SHISA6: variants seen among roughly 807,000 people sequenced by gnomAD.
SHISA6 encodes the protein protein shisa-6.
In SHISA6, 22 loss-of-function variants were observed where a neutral mutation model predicts 47.9. The ratio of observed to expected loss-of-function variants is 0.46; its 90% CI spans 0.33 to 0.66. The LOEUF is 0.66. SHISA6 is among the 30% of genes least tolerant of loss of function. SHISA6 has a pLI of 0.02. For synonymous variants in SHISA6, 388 were observed against 337.8 expected (o/e 1.15, Z -1.63); for missense variants, 680 against 764.6 (o/e 0.89, Z 1.30).
rs75224115 is a variant in SHISA6, at chr17:11,277,618, A to G, written c.799+14092A>G. Among the ~76,000 whole-genome samples the G allele has an allele frequency of 4.8e-3, 733 of 152,308 alleles. 9 individuals are homozygous for G. Among genetic ancestry groups the G allele is most frequent in the African/African-American group, 0.017 (691 of 41,586 alleles). ...ATTATAATTATGTATGCTCACAAATAACTGAATTATCTAAAGTAAAAGTTA... is the reference window on the plus strand; with the variant it reads ...ATTATAATTATGTATGCTCACAAATGACTGAATTATCTAAAGTAAAAGTTA... On this transcript the variant is annotated intron_variant, in intron 2 of 5. Coordinates refer to ENST00000441885, the MANE Select transcript of SHISA6 (RefSeq NM_207386.4).
At chr17:11,517,919 C>T (rs1328878623) in intron 3 of SHISA6, among the ~76,000 whole-genome samples, 1 of 152,056 alleles carries the variant, frequency 6.6e-6, no homozygotes, top group African/African-American at 2.4e-5. Context: ...TAGAGCTGTC[C>T]TCCTGAGATG....
chr17:11,380,485 G>T (rs1045149610), intron 3 of SHISA6: 37 of 152,162 alleles, frequency 2.4e-4, no homozygotes, highest in African/African-American at 8.4e-4. Context: ...TGGCTACTAA[G>T]AGTTGCAGAA....
intron 3 of SHISA6, among the ~76,000 whole-genome samples, chr17:11,491,523 C>T (rs1315654778): frequency 1.3e-5 from 2 of 151,876 alleles, no homozygotes; most frequent in South Asian, 4.2e-4. Context: ...AGGCTGGTCT[C>T]GAACTCCTGG....
At chr17:11,464,445 C>T (rs1172762883) in intron 3 of SHISA6, among the ~76,000 whole-genome samples, 1 of 152,116 alleles carries the variant, frequency 6.6e-6, no homozygotes, top group Admixed American at 6.6e-5. Flanking sequence ...AGTCTTGTCA[C>T]CCTGTGGAAG....
At chr17:11,323,551 G>A (rs1300692556) in intron 2 of SHISA6, among the ~76,000 whole-genome samples, 1 of 152,048 alleles carries the variant, frequency 6.6e-6, no homozygotes, top group Admixed American at 6.5e-5. Flanking sequence ...CTACTCAGGA[G>A]GCTGAGGCAG....
At chr17:11,380,033 G>A (rs1912958696) in intron 3 of SHISA6, 1 of 154,166 alleles carries the variant, frequency 6.5e-6, no homozygotes, top group South Asian at 2.0e-4. Flanking sequence ...CAAGATGAAA[G>A]CTAACCTAGA....
intron 3 of SHISA6, among the ~76,000 whole-genome samples, chr17:11,494,907 C>G (rs1473259293): frequency 3.9e-5 from 6 of 152,134 alleles, no homozygotes; most frequent in Admixed American, 3.3e-4. Flanking sequence ...GAGTCGGGAG[C>G]CAGCCATTAA....
chr17:11,411,499 C>A (rs148517472), intron 3 of SHISA6, among the ~76,000 whole-genome samples: 14 of 152,192 alleles, frequency 9.2e-5, no homozygotes, highest in Non-Finnish European at 1.5e-4. Context: ...CAGGTTCAAG[C>A]GATTCTCCTG....
intron 2 of SHISA6, among the ~76,000 whole-genome samples, chr17:11,363,200 T>C (rs1319292354): frequency 6.4e-5 from 8 of 124,450 alleles, no homozygotes; most frequent in Non-Finnish European, 1.3e-4. Context: ...AGGGTACATT[T>C]CTTTTTTTTT....
chr17:11,542,334 GAA>G (rs5819321), intron 3 of SHISA6, among the ~76,000 whole-genome samples: 7 of 122,768 alleles, frequency 5.7e-5, no homozygotes, highest in Admixed American at 2.3e-4. Context: ...AGTGCTACAA[GAA>G]AAAAAAAAAA....
At chr17:11,469,330 A>AG (rs1027716853) in intron 3 of SHISA6, among the ~76,000 whole-genome samples, 24 of 152,282 alleles carry the variant, frequency 1.6e-4, no homozygotes, top group African/African-American at 5.8e-4. Flanking sequence ...AGATGGAGGA[A>AG]GGGGCCAAGA....
intron 2 of SHISA6, among the ~76,000 whole-genome samples, chr17:11,335,866 A>G (rs1452399720): frequency 6.6e-6 from 1 of 152,134 alleles, no homozygotes; most frequent in Non-Finnish European, 1.5e-5. Flanking sequence ...TAACACGCTT[A>G]GTGGTTCAAA....
intron 3 of SHISA6, among the ~76,000 whole-genome samples, chr17:11,537,096 CT>C (rs1214460907): frequency 6.6e-6 from 1 of 151,908 alleles, no homozygotes. Context: ...TGTGATGCCA[CT>C]TTTTTTTCAA....
intron 3 of SHISA6, among the ~76,000 whole-genome samples, chr17:11,388,831 TA>T (rs1913290948): frequency 2.6e-5 from 3 of 113,766 alleles, no homozygotes; most frequent in African/African-American, 1.2e-4. Flanking sequence ...TATATATATA[TA>T]TATATATATT....
At position 11,450,714 on chromosome 17, in the gene SHISA6, T is replaced by A. The variant is rs200088193; in HGVS notation, c.895+71205T>A. The stretch of plus-strand genomic sequence containing the variant: ...CCATCCAAAAGAAAAGAAAAAAAAA[T>A]CAGAGTAATCCAAGAGAGAAGGACA... On this transcript the variant is annotated intron_variant, in intron 3 of 5. Transcript: ENST00000441885. Among the ~76,000 whole-genome samples the A allele has an allele frequency of 4.1e-5, 6 of 145,290 alleles. No homozygotes were observed. In the East Asian group the frequency reaches 6.2e-4, roughly 15 times the overall value.
rs1053405709 is a variant in SHISA6 at position 11,379,354 on chromosome 17, G to A, written c.800-60G>A. On this transcript the variant is annotated intron_variant, in intron 2 of 5. Coordinates refer to ENST00000441885, the MANE Select transcript of SHISA6 (RefSeq NM_207386.4). ...TCACTGTTGGGTGAGATGCAGCTGC[G>A]CTTGTCTTCCATGTTGGTGTCGTGG... 18 of 1,246,572 alleles carry A rather than the reference G, an allele frequency of 1.4e-5. No homozygotes were observed. The East Asian group carries it at 1.9e-4, about 13-fold the overall frequency. The allele number at this position is 1,246,572 out of a possible 1,614,324, so 77.2% of individuals were successfully genotyped here. A position where few individuals can be genotyped will look rare whatever the true frequency, so the allele number is the denominator to read the frequency against.
intron 3 of SHISA6, among the ~76,000 whole-genome samples, chr17:11,529,405 T>C (rs1263733687): frequency 6.6e-6 from 1 of 152,116 alleles, no homozygotes; most frequent in African/African-American, 2.4e-5. Context: ...TAAATTGACA[T>C]AAAACTGAGG....
At chr17:11,318,489 T>C (rs7217863) in intron 2 of SHISA6, among the ~76,000 whole-genome samples, 111,943 of 152,084 alleles carry the variant, frequency 0.74, 41,377 homozygotes, top group Middle Eastern at 0.77. Context: ...CCTAGGAGGT[T>C]CTTTCAATGT....
At chr17:11,493,084 A>G (rs1295957138) in intron 3 of SHISA6, among the ~76,000 whole-genome samples, 1 of 152,164 alleles carries the variant, frequency 6.6e-6, no homozygotes, top group Non-Finnish European at 1.5e-5. Context: ...GAGATAAGGA[A>G]TGTTCTGGCT....
Sources: allele counts gnomAD v4.1 joint callset (sites outside exome capture counted in the v4.1 genomes callset), GRCh38; gene constraint gnomAD v4.1.1; transcripts MANE v1.5; gene names NCBI Gene and HGNC (gene_info 2026-07-23, HGNC 2026-07-21).